The following TBC1D16 variants were observed in gnomAD, a reference collection of about 807,000 sequenced individuals.
The protein encoded by TBC1D16 is CTD-2529O21.1.
A neutral mutation model predicts 74.7 loss-of-function variants in TBC1D16; 58 were observed. That is an observed-to-expected ratio of 0.78 (90% CI 0.63 to 0.97). TBC1D16 has a LOEUF of 0.97. Among genes scored for constraint, TBC1D16 ranks in the 50% least tolerant of loss-of-function variants. The pLI is 0.00. For missense variants in TBC1D16, 1,014 were observed against 1,079.5 expected (o/e 0.94, Z 0.85); for synonymous variants, 493 against 474.7 (o/e 1.04, Z -0.50).
intron 3 of TBC1D16, among the ~76,000 whole-genome samples, chr17:80,004,298 G>A (rs1200159853): frequency 2.0e-5 from 3 of 152,168 alleles, no homozygotes; most frequent in Non-Finnish European, 2.9e-5. Context: ...TAACTGCAAC[G>A]GGCAGAATCA....
intron 6 of TBC1D16, 116 bp from the exon 7 acceptor site, chr17:79,949,981 C>A (rs1568578656): frequency 7.9e-7 from 1 of 1,259,302 alleles, no homozygotes; most frequent in Non-Finnish European, 1.1e-6. Context: ...CAGATCTCTG[C>A]AATTTGCACA....
rs115353540 is a variant in TBC1D16 at position 80,010,453 on chromosome 17, C to T, written c.486G>A (p.Glu162=). Reference sequence around the variant, plus strand: ...CCACCCCCAAGCCCTGCGCCAGCTTCTCCTCATCCTCTGGCGCAGGGCTGG... The same window carrying T: ...CCACCCCCAAGCCCTGCGCCAGCTTTTCCTCATCCTCTGGCGCAGGGCTGG... The part of the protein sequence containing the change: ...MLASPAPEDE[E]KLAQGLGVDG... Residue 162 remains glutamate, a synonymous_variant, in exon 3 of 12, where the codon GAG becomes GAA. Transcript: ENST00000310924. The surrounding 1 kb of genome is among the most constrained non-coding windows in gnomAD (Gnocchi z 8.8). 1,160 of 1,609,430 alleles carry T rather than the reference C, an allele frequency of 7.2e-4. 12 individuals are homozygous for T. The African/African-American group carries it at 0.014, about 19-fold the overall frequency.
In TBC1D16 at chr17:79,985,011, C is replaced by G. The variant is rs903137297; in HGVS notation, c.779+25149G>C. 2.0e-5 allele frequency among the ~76,000 whole-genome samples: 3 copies of G among 151,954 alleles called. No homozygotes were observed. Among genetic ancestry groups the G allele is most frequent in the African/African-American group, 7.3e-5 (3 of 41,352 alleles). ...CCAGGGCTGCTGTAATGAAGGACCACAGACCAGAAGCTTGAAAACAACAGA... is the reference window on the plus strand; with the variant it reads ...CCAGGGCTGCTGTAATGAAGGACCAGAGACCAGAAGCTTGAAAACAACAGA... On this transcript the variant is annotated intron_variant, in intron 3 of 11. Transcript: ENST00000310924. The surrounding 1 kb of genome is among the most constrained non-coding windows in gnomAD (Gnocchi z 4.9).
rs1008657232 is a variant in TBC1D16 at position 79,985,824 on chromosome 17, C to A, written c.779+24336G>T. On this transcript the variant is annotated intron_variant, in intron 3 of 11. Transcript: ENST00000310924. The surrounding 1 kb of genome is among the most constrained non-coding windows in gnomAD (Gnocchi z 4.9). The stretch of plus-strand genomic sequence containing the variant: ...TGTTCTGCTGGCTCCCACCTCGCAG[C>A]CACAACTTCAATGCCCACAACAAAC... 1.3e-5 allele frequency among the ~76,000 whole-genome samples: 2 copies of A among 152,190 alleles called. No individual in the cohort carries two copies. The highest frequency in any genetic ancestry group is 4.8e-5 in the African/African-American group (2 of 41,436).
At chr17:79,949,666 C>G in intron 7 of TBC1D16, 51 bp downstream of exon 7, 1 of 1,576,462 alleles carries the variant, frequency 6.3e-7, no homozygotes, top group Non-Finnish European at 8.6e-7. Flanking sequence ...TTTCAAATGA[C>G]ATTTTCCTCC....
chr17:79,969,724 T>C (rs537525679), intron 3 of TBC1D16, among the ~76,000 whole-genome samples: 1 of 151,978 alleles, frequency 6.6e-6, no homozygotes, highest in African/African-American at 2.4e-5. Flanking sequence ...GGTGGATCAC[T>C]TGAGGTCAGG....
intron 4 of TBC1D16, 26 bp from the exon 5 acceptor site, chr17:79,951,623 G>C (rs549802710): frequency 6.2e-7 from 1 of 1,606,402 alleles, no homozygotes; most frequent in South Asian, 1.1e-5. Context: ...AAGGGGGAGA[G>C]GGAAGCCCGA....
chr17:79,964,702 T>C (rs1382844266), intron 3 of TBC1D16, among the ~76,000 whole-genome samples: 1 of 152,224 alleles, frequency 6.6e-6, no homozygotes, highest in African/African-American at 2.4e-5. Flanking sequence ...CAACTCTCAG[T>C]ACTATTGCTA....
intron 3 of TBC1D16, among the ~76,000 whole-genome samples, chr17:79,976,367 G>A (rs999207142): frequency 1.3e-5 from 2 of 152,218 alleles, no homozygotes; most frequent in Non-Finnish European, 2.9e-5. Context: ...GCTTTCCAAT[G>A]TTGGCCCACA....
rs760009396 is a variant in TBC1D16 at position 79,944,964 on chromosome 17, C to G, written c.1852G>C (p.Glu618Gln). The change falls in exon 10 of 12, where the codon GAG becomes CAG. Residue 618 changes from glutamate (E) to glutamine (Q), a missense_variant. By Grantham distance (29) the Glu-to-Gln change is conservative (BLOSUM62 2). Coordinates refer to ENST00000310924, the MANE Select transcript of TBC1D16 (RefSeq NM_019020.4). The surrounding 1 kb of genome is among the most constrained non-coding windows in gnomAD (Gnocchi z 7.7). ...HRWLLLCFKR[E>Q]FPEAEALRIW... ...CGCAGCGCTTCGGCCTCGGGGAACT[C>G]CCGCTTGAAGCACAGAAGGAGCCAG... 6.4e-7 allele frequency: 1 copy of G among 1,558,262 alleles called. No homozygotes were observed. The highest frequency in any genetic ancestry group is 1.4e-5 in the African/African-American group (1 of 73,806).
chr17:79,951,345 C>T (rs2033034036), intron 5 of TBC1D16, 105 bp downstream of exon 5: 2 of 1,415,126 alleles, frequency 1.4e-6, no homozygotes, highest in South Asian at 1.4e-5. Flanking sequence ...CCCGTAAGCC[C>T]CCGGGGCCCG....
rs978004762 is a variant in TBC1D16 at position 79,971,345 on chromosome 17, T to C, written c.780-18527A>G. ...GCCCACACTCCCAGTATTTTTTAAG[T>C]TGCTTAACATTTGCAAGTGGTAAAT... On this transcript the variant is annotated intron_variant, in intron 3 of 11. Transcript: ENST00000310924. This position sits in a 1 kb window ranked among gnomAD's most constrained non-coding sequence, Gnocchi z 4.6. Among the ~76,000 whole-genome samples, 1 of 152,164 alleles carries C rather than the reference T, an allele frequency of 6.6e-6. No homozygotes were observed. Among genetic ancestry groups the C allele is most frequent in the African/African-American group, 2.4e-5 (1 of 41,436 alleles).
In TBC1D16 at chr17:79,937,426, TG is replaced by T. The variant is rs2031688641; in HGVS notation, c.*3432del. 6.6e-6 allele frequency: 1 copy of T among 152,380 alleles called. No individual in the cohort carries two copies. Among genetic ancestry groups the T allele is most frequent in the Admixed American group, 6.5e-5 (1 of 15,282 alleles). 9.4% of individuals were successfully genotyped at this position (152,380 alleles called of 1,614,324 possible). On this transcript the variant is annotated 3_prime_UTR_variant, in exon 12 of 12. Coordinates refer to ENST00000310924, the MANE Select transcript of TBC1D16 (RefSeq NM_019020.4). ...TGCCCACCCCCGCCGAGCTTCACAC[TG>T]GGCTGCTATGGAAAACTGAAAGGTC...
At chr17:79,999,733 G>A (rs891172433) in intron 3 of TBC1D16, among the ~76,000 whole-genome samples, 7 of 151,704 alleles carry the variant, frequency 4.6e-5, no homozygotes, top group South Asian at 4.2e-4. Context: ...TAGTAGAGAC[G>A]GGGTTTCACT....
At chr17:80,015,696 A>G (rs549132957) in intron 1 of TBC1D16, among the ~76,000 whole-genome samples, 1 of 152,144 alleles carries the variant, frequency 6.6e-6, no homozygotes, top group Non-Finnish European at 1.5e-5. Context: ...GGTACAGTGG[A>G]ATATTATTTG....
intron 3 of TBC1D16, among the ~76,000 whole-genome samples, chr17:80,005,778 T>A (rs112822076): frequency 3.3e-5 from 5 of 152,264 alleles, no homozygotes; most frequent in Admixed American, 1.3e-4. Flanking sequence ...AGACCCCACC[T>A]GGCCATACTC....
At position 79,939,883 on chromosome 17, in the gene TBC1D16, T is replaced by C. The variant is rs1249744114; in HGVS notation, c.*976A>G. The C allele has an allele frequency of 6.6e-6, 1 of 152,176 alleles. No homozygotes were observed. Among genetic ancestry groups the C allele is most frequent in the Non-Finnish European group, 1.5e-5 (1 of 68,034 alleles). 9.4% of individuals were successfully genotyped at this position (152,176 alleles called of 1,614,324 possible). A position where few individuals can be genotyped will look rare whatever the true frequency, so the allele number is the denominator to read the frequency against. Reference sequence around the variant, plus strand: ...GAGTCTAACTATTTCCAGGTGTCCTTGTCTTGGTTGGTCAGCTAATACACT... The same window carrying C: ...GAGTCTAACTATTTCCAGGTGTCCTCGTCTTGGTTGGTCAGCTAATACACT... On this transcript the variant is annotated 3_prime_UTR_variant, in exon 12 of 12. Coordinates refer to ENST00000310924, the MANE Select transcript of TBC1D16 (RefSeq NM_019020.4).
chr17:79,935,462 T>G lies in TBC1D16; in HGVS notation c.*5397A>C, dbSNP rs1272817157. On this transcript the variant is annotated 3_prime_UTR_variant, in exon 12 of 12. Coordinates refer to ENST00000310924, the MANE Select transcript of TBC1D16 (RefSeq NM_019020.4). ...CCCACAGCCCCCATCCAGCTCTCTT[T>G]TACACCTTCCCCTCCCCCATCTCAG... The G allele has an allele frequency of 6.6e-6, 1 of 152,284 alleles. No individual in the cohort carries two copies. The highest frequency in any genetic ancestry group is 2.4e-5 in the African/African-American group (1 of 41,448). The allele number at this position is 152,284 out of a possible 1,614,324, so 9.4% of individuals were successfully genotyped here.
At chr17:79,997,141 C>T (rs1316985380) in intron 3 of TBC1D16, among the ~76,000 whole-genome samples, 1 of 152,128 alleles carries the variant, frequency 6.6e-6, no homozygotes, top group Non-Finnish European at 1.5e-5. Context: ...AGTGGTTCTG[C>T]GTCTAGCTAG....
Sources: gnomAD v4.1 joint callset for allele counts (sites outside exome capture counted in the v4.1 genomes callset) on GRCh38, gnomAD v4.1.1 for gene constraint, Gnocchi (gnomAD v3.1) non-coding constraint, MANE v1.5 for transcripts, NCBI Gene and HGNC (gene_info 2026-07-23, HGNC 2026-07-21) for gene names.